CNGB3: variants seen among roughly 807,000 people sequenced by gnomAD.
CNGB3 encodes the protein cyclic nucleotide gated channel subunit beta 3.
A neutral mutation model predicts 92.8 loss-of-function variants in CNGB3; 86 were observed. The ratio of observed to expected loss-of-function variants is 0.93; its 90% CI spans 0.78 to 1.11. The LOEUF (loss-of-function observed/expected upper bound fraction) is 1.11, where lower values mean the gene tolerates loss of function less well. Among genes scored for constraint, CNGB3 ranks in the 50% least tolerant of loss-of-function variants. CNGB3 has a pLI of 0.00. For missense variants in CNGB3, 1,026 were observed against 956.8 expected, an observed-to-expected ratio of 1.07 and a Z score of -0.95; for synonymous variants, 333 against 332.7, an observed-to-expected ratio of 1.00 and a Z score of -0.01.
intron 13 of CNGB3, among the ~76,000 whole-genome samples, chr8:86,614,773 G>T (rs1024857086): frequency 6.6e-6 from 1 of 152,072 alleles, no homozygotes; most frequent in African/African-American, 2.4e-5. Context: ...TAGGCATGAG[G>T]TTGCCAACCG....
intron 3 of CNGB3, among the ~76,000 whole-genome samples, chr8:86,676,771 T>C (rs1823978600): frequency 6.6e-6 from 1 of 152,212 alleles, no homozygotes; most frequent in African/African-American, 2.4e-5. Context: ...TAAGTTAAGA[T>C]GAAGCCATAC....
intron 1 of CNGB3, among the ~76,000 whole-genome samples, chr8:86,741,713 G>A (rs1378252432): frequency 2.0e-5 from 3 of 151,974 alleles, no homozygotes; most frequent in South Asian, 2.1e-4. Context: ...TAGACTTCGC[G>A]ATTAATATCC....
At chr8:86,587,364 G>C (rs945828914) in intron 15 of CNGB3, among the ~76,000 whole-genome samples, 1 of 152,082 alleles carries the variant, frequency 6.6e-6, no homozygotes, top group Non-Finnish European at 1.5e-5. Flanking sequence ...TGTCAATTTT[G>C]TCTTTTGTTG....
chr8:86,698,654 A>G (rs1824494644), intron 3 of CNGB3, among the ~76,000 whole-genome samples: 1 of 152,198 alleles, frequency 6.6e-6, no homozygotes, highest in African/African-American at 2.4e-5. Flanking sequence ...AGATTTTTGT[A>G]TCTTGAAACA....
chr8:86,723,370 AT>A (rs1230463784), intron 3 of CNGB3, among the ~76,000 whole-genome samples: 1 of 152,106 alleles, frequency 6.6e-6, no homozygotes, highest in Non-Finnish European at 1.5e-5. Context: ...CAAATACTTA[AT>A]TTTTTTCTAG....
chr8:86,576,356 A>AT lies in CNGB3; in HGVS notation c.2104-227dup, dbSNP rs1337743707. Among the ~76,000 whole-genome samples the AT allele has an allele frequency of 2.6e-5, 4 of 152,006 alleles. No individual in the cohort carries two copies. The East Asian group carries it at 7.7e-4, about 29-fold the overall frequency. ...GACTCATGATGTTAGTCTGAATTGC[A>AT]TTTTTTTGTCTCTGCCAAGGAATTC... is the stretch of plus-strand genomic sequence containing the variant. On this transcript the variant is annotated intron_variant, in intron 17 of 17. Transcript: ENST00000320005.
intron 3 of CNGB3, among the ~76,000 whole-genome samples, chr8:86,686,653 C>CA (rs11456792): frequency 0.69 from 105,091 of 151,806 alleles, 37,206 homozygotes; most frequent in African/African-American, 0.84. Context: ...GGGTGTTCTG[C>CA]ATTGATAAGA....
At chr8:86,588,970 G>T (rs1821960476) in intron 15 of CNGB3, among the ~76,000 whole-genome samples, 1 of 152,068 alleles carries the variant, frequency 6.6e-6, no homozygotes, top group African/African-American at 2.4e-5. Flanking sequence ...TCTGGTCCTG[G>T]ACTCTTTTTG....
intron 15 of CNGB3, among the ~76,000 whole-genome samples, chr8:86,579,514 A>G (rs924907086): frequency 1.8e-4 from 28 of 152,172 alleles, no homozygotes; most frequent in African/African-American, 6.0e-4. Flanking sequence ...CAGATCCTTC[A>G]TCCCAGATTC....
chr8:86,742,511 T>G (rs1168565600), intron 1 of CNGB3, among the ~76,000 whole-genome samples: 1 of 152,104 alleles, frequency 6.6e-6, no homozygotes, highest in Admixed American at 6.5e-5. Context: ...CTAGGCTCAT[T>G]TAAACCCGAA....
At chr8:86,725,881 A>C (rs1234889914) in intron 3 of CNGB3, among the ~76,000 whole-genome samples, 1 of 152,188 alleles carries the variant, frequency 6.6e-6, no homozygotes, top group Non-Finnish European at 1.5e-5. Context: ...AAGCCATTTT[A>C]ACTGGATCGG....
chr8:86,641,543 T>G (rs1405867054), intron 10 of CNGB3, among the ~76,000 whole-genome samples: 1 of 151,942 alleles, frequency 6.6e-6, no homozygotes, highest in Non-Finnish European at 1.5e-5. Context: ...TCTTCTATTG[T>G]CCTGCCTTTC....
intron 15 of CNGB3, among the ~76,000 whole-genome samples, chr8:86,601,700 C>T (rs1438808249): frequency 1.3e-5 from 2 of 152,098 alleles, no homozygotes; most frequent in Admixed American, 6.6e-5. Flanking sequence ...AGAGCTTCAG[C>T]GGCATATGAC....
chr8:86,727,570 T>G (rs188463484), intron 2 of CNGB3, among the ~76,000 whole-genome samples: 2 of 152,228 alleles, frequency 1.3e-5, no homozygotes, highest in East Asian at 3.9e-4. Context: ...CTAATTAATA[T>G]AGTTTAAATT....
intron 10 of CNGB3, among the ~76,000 whole-genome samples, chr8:86,638,788 G>C (rs990155277): frequency 1.3e-5 from 2 of 151,452 alleles, no homozygotes; most frequent in Admixed American, 1.3e-4. Flanking sequence ...GCTTCTCACT[G>C]ACCTTCACTT....
chr8:86,603,617 G>C (rs1373800087), intron 15 of CNGB3, among the ~76,000 whole-genome samples: 4 of 152,130 alleles, frequency 2.6e-5, no homozygotes, highest in African/African-American at 9.7e-5. Flanking sequence ...TAATTATTAA[G>C]GTGAGGAAAC....
At chr8:86,611,829 A>G (rs571532759) in intron 13 of CNGB3, among the ~76,000 whole-genome samples, 158 bp from the exon 14 acceptor site, 1 of 152,290 alleles carries the variant, frequency 6.6e-6, no homozygotes, top group East Asian at 1.9e-4. Context: ...CTCAAAATTT[A>G]GAAAAAAAAT....
At chr8:86,700,959 T>A (rs948540291) in intron 3 of CNGB3, among the ~76,000 whole-genome samples, 6 of 152,138 alleles carry the variant, frequency 3.9e-5, no homozygotes, top group African/African-American at 1.4e-4. Context: ...TGTTTTTGAA[T>A]CATTCCCAAT....
At chr8:86,620,226 A>C (rs905527696) in intron 13 of CNGB3, among the ~76,000 whole-genome samples, 4 of 152,218 alleles carry the variant, frequency 2.6e-5, no homozygotes, top group Non-Finnish European at 4.4e-5. Flanking sequence ...CAAAGCTTTC[A>C]TTGGAAGTGT....
Sources: gnomAD v4.1 joint callset for allele counts (sites outside exome capture counted in the v4.1 genomes callset) on GRCh38, gnomAD v4.1.1 for gene constraint, MANE v1.5 for transcripts, NCBI Gene and HGNC (gene_info 2026-07-23, HGNC 2026-07-21) for gene names.